The following DIAPH2 variants were observed in gnomAD, a reference collection of about 807,000 sequenced individuals.
DIAPH2 encodes protein diaphanous homolog 2.
DIAPH2 carries 35 observed loss-of-function variants against 92.7 expected under a neutral mutation model. The ratio of observed to expected loss-of-function variants is 0.38; its 90% CI spans 0.29 to 0.50. The LOEUF (loss-of-function observed/expected upper bound fraction) is 0.50, where lower values mean the gene tolerates loss of function less well. DIAPH2 is among the 20% of genes least tolerant of loss of function. The pLI, the probability that DIAPH2 is intolerant of heterozygous loss-of-function variation, is 0.94. For synonymous variants in DIAPH2, 301 were observed against 280.4 expected (o/e 1.07, Z -0.73); for missense variants, 701 against 819.5 (o/e 0.86, Z 1.77).
intron 22 of DIAPH2, among the ~76,000 whole-genome samples, chrX:97,192,393 A>G (rs2067662522): frequency 9.0e-6 from 1 of 110,871 alleles, no homozygotes; most frequent in African/African-American, 3.3e-5. Context: ...TACCCTTAAC[A>G]CTAATACCTG....
chrX:97,424,967 C>A (rs894048576), intron 25 of DIAPH2, among the ~76,000 whole-genome samples: 1 of 111,791 alleles, frequency 8.9e-6, no homozygotes, highest in Non-Finnish European at 1.9e-5. Context: ...ATCTTTTTAT[C>A]TAATTACAAT....
At chrX:97,583,872 G>A (rs931558670) in intron 26 of DIAPH2, among the ~76,000 whole-genome samples, 7 of 112,445 alleles carry the variant, frequency 6.2e-5, no homozygotes, top group South Asian at 3.7e-4. Context: ...ATATAATCTC[G>A]TGGTGCGCCA....
chrX:96,859,160 A>G (rs763738929), intron 4 of DIAPH2, among the ~76,000 whole-genome samples: 20 of 111,337 alleles, frequency 1.8e-4, no homozygotes, highest in African/African-American at 6.2e-4. Flanking sequence ...GTTTGAGAAC[A>G]TGATGAAAAA....
chrX:96,945,319 C>T (rs1166946091), intron 13 of DIAPH2, among the ~76,000 whole-genome samples: 1 of 111,367 alleles, frequency 9.0e-6, no homozygotes, highest in Non-Finnish European at 1.9e-5. Context: ...TGGTTTTGTG[C>T]CTCCACAATA....
chrX:97,146,007 C>CTTTTTTTTTTTTTTTTTTT (rs372292277), intron 22 of DIAPH2, among the ~76,000 whole-genome samples: 2 of 43,169 alleles, frequency 4.6e-5, no homozygotes, highest in Non-Finnish European at 8.0e-5. Context: ...TTTCTTCTTC[C>CTTTTTTTTTTTTTTTTTTT]TTTTTTTTTT....
chrX:97,418,733 C>T (rs5920919), intron 25 of DIAPH2, among the ~76,000 whole-genome samples: 3,085 of 111,977 alleles, frequency 0.028, 35 homozygotes, highest in Middle Eastern at 0.042. Flanking sequence ...CAGTGTTATT[C>T]AGAGGCAGTC....
intron 26 of DIAPH2, among the ~76,000 whole-genome samples, chrX:97,598,257 T>C (rs1373625498): frequency 8.9e-6 from 1 of 111,806 alleles, no homozygotes; most frequent in East Asian, 2.8e-4. Context: ...TAATCCCCCA[T>C]CATACCATTG....
At chrX:97,105,975 A>G (rs757379545) in intron 20 of DIAPH2, among the ~76,000 whole-genome samples, 1 of 111,401 alleles carries the variant, frequency 9.0e-6, no homozygotes, top group East Asian at 2.8e-4. Context: ...CTATAAATTT[A>G]CTGTGCTTTT....
intron 1 of DIAPH2, among the ~76,000 whole-genome samples, chrX:96,719,113 T>A (rs1463615830): frequency 1.5e-5 from 1 of 64,682 alleles, no homozygotes; most frequent in African/African-American, 7.1e-5. Context: ...TTTGTCCATT[T>A]TAAAATTGGA....
At chrX:97,519,336 A>G (rs2070973971) in intron 26 of DIAPH2, among the ~76,000 whole-genome samples, 1 of 111,495 alleles carries the variant, frequency 9.0e-6, no homozygotes, top group African/African-American at 3.3e-5. Context: ...GTTGCATTGA[A>G]AACATCTGTT....
At chrX:96,911,502 A>G (rs1428380482) in intron 5 of DIAPH2, among the ~76,000 whole-genome samples, 1 of 111,282 alleles carries the variant, frequency 9.0e-6, no homozygotes, top group Admixed American at 9.6e-5. Context: ...CTCCTGCCAC[A>G]TGGGTCTCCT....
chrX:96,917,198 A>G (rs750669182), intron 8 of DIAPH2, among the ~76,000 whole-genome samples: 1 of 111,441 alleles, frequency 9.0e-6, no homozygotes, highest in Non-Finnish European at 1.9e-5. Flanking sequence ...TTTGTAATGA[A>G]CCCTTGTGAT....
intron 1 of DIAPH2, among the ~76,000 whole-genome samples, chrX:96,718,351 T>TG (rs2063967254): frequency 1.7e-5 from 1 of 59,867 alleles, no homozygotes; most frequent in Non-Finnish European, 3.3e-5. Flanking sequence ...TTTTTTTTTT[T>TG]TTTTTTTTTT....
intron 26 of DIAPH2, among the ~76,000 whole-genome samples, chrX:97,525,550 T>G (rs754188441): frequency 8.9e-6 from 1 of 112,521 alleles, no homozygotes; most frequent in African/African-American, 3.2e-5. Flanking sequence ...GGAGCATGTC[T>G]TATTTATCTT....
intron 4 of DIAPH2, among the ~76,000 whole-genome samples, chrX:96,822,953 G>A (rs1026946104): frequency 2.2e-4 from 25 of 112,105 alleles, no homozygotes; most frequent in Admixed American, 2.0e-3. Context: ...CATATATGAT[G>A]TGCATGGTGT....
At chrX:96,980,136 C>T (rs1180320116) in intron 17 of DIAPH2, among the ~76,000 whole-genome samples, 2 of 111,498 alleles carry the variant, frequency 1.8e-5, no homozygotes, top group African/African-American at 6.5e-5. Flanking sequence ...TTCCTTTTCA[C>T]GAGGGCAGAG....
intron 4 of DIAPH2, among the ~76,000 whole-genome samples, chrX:96,854,598 CATATATATATATATAT>C (rs57209486): frequency 3.3e-3 from 121 of 37,122 alleles, no homozygotes; most frequent in East Asian, 0.021. Flanking sequence ...CTCTCTCTCT[CATATATATATATATAT>C]ATATATATAT....
In DIAPH2 at chrX:97,604,667, G is replaced by A; in HGVS notation, c.*5350G>A. On this transcript the variant is annotated 3_prime_UTR_variant, in exon 27 of 27. Coordinates refer to ENST00000324765, the MANE Select transcript of DIAPH2 (RefSeq NM_006729.5). ...GATGTACCTCTTCTGCCCCTTTTAT[G>A]ACACCTTTGACCAAATGCCTTCTAT... 8.9e-6 allele frequency: 1 copy of A among 112,075 alleles called. No individual in the cohort carries two copies. Among genetic ancestry groups the A allele is most frequent in the Admixed American group, 9.5e-5 (1 of 10,555 alleles). 9.2% of individuals were successfully genotyped at this position (112,075 alleles called of 1,213,427 possible).
At chrX:97,564,748 G>A (rs1250863155) in intron 26 of DIAPH2, among the ~76,000 whole-genome samples, 1 of 111,703 alleles carries the variant, frequency 9.0e-6, no homozygotes, top group Non-Finnish European at 1.9e-5. Flanking sequence ...GGAAAGGGAA[G>A]TACCATACAT....
Sources: gnomAD v4.1 joint callset for allele counts (sites outside exome capture counted in the v4.1 genomes callset) on GRCh38, gnomAD v4.1.1 for gene constraint, MANE v1.5 for transcripts, NCBI Gene and HGNC (gene_info 2026-07-23, HGNC 2026-07-21) for gene names.